Variants in L3MBTL4 observed in about 807,000 individuals in gnomAD.
L3MBTL4 encodes the protein lethal(3)malignant brain tumor-like protein 4.
A neutral mutation model predicts 84.5 loss-of-function variants in L3MBTL4; 70 were observed. The ratio of observed to expected loss-of-function variants is 0.83; its 90% confidence interval spans 0.68 to 1.01. L3MBTL4 has a LOEUF of 1.01. Among genes scored for constraint, L3MBTL4 ranks in the 50% least tolerant of loss-of-function variants. The probability of loss-of-function intolerance (pLI) is 0.00; values close to 1 mark genes in which losing one functional copy is unlikely to be tolerated. For synonymous variants in L3MBTL4, 274 were observed against 259.8 expected (o/e 1.05, Z -0.52); for missense variants, 715 against 754.8 (o/e 0.95, Z 0.62).
chr18:5,964,229 C>A (rs570600), intron 17 of L3MBTL4, among the ~76,000 whole-genome samples: 1 of 152,230 alleles, frequency 6.6e-6, no homozygotes, highest in South Asian at 2.1e-4. Flanking sequence ...AGACAGCAGT[C>A]TGGGGAGACT....
intron 1 of L3MBTL4, among the ~76,000 whole-genome samples, chr18:6,399,574 T>C (rs2055428262): frequency 6.6e-6 from 1 of 152,228 alleles, no homozygotes; most frequent in Admixed American, 6.5e-5. Flanking sequence ...CTCAATTGAC[T>C]AGATATAATT....
At chr18:6,260,063 T>A (rs1282700996) in intron 5 of L3MBTL4, 1 of 152,212 alleles carries the variant, frequency 6.6e-6, no homozygotes, top group Non-Finnish European at 1.5e-5. Flanking sequence ...CCCCATTGCT[T>A]TTTTTCTGTC....
At chr18:6,233,624 T>C (rs1413665878) in intron 10 of L3MBTL4, among the ~76,000 whole-genome samples, 1 of 151,806 alleles carries the variant, frequency 6.6e-6, no homozygotes, top group Admixed American at 6.6e-5. Flanking sequence ...GTGAAGGACT[T>C]CTTCAAGGAG....
At chr18:6,264,621 T>C (rs183297025) in intron 4 of L3MBTL4, among the ~76,000 whole-genome samples, 38 of 152,244 alleles carry the variant, frequency 2.5e-4, no homozygotes, top group African/African-American at 8.9e-4. Flanking sequence ...CCGTCTCTAC[T>C]AAAAATACAA....
At chr18:6,390,167 T>C in intron 1 of L3MBTL4, among the ~76,000 whole-genome samples, 1 of 148,932 alleles carries the variant, frequency 6.7e-6, no homozygotes, top group Admixed American at 6.6e-5. Context: ...TATATATCTA[T>C]ATATATATAC....
intron 12 of L3MBTL4, among the ~76,000 whole-genome samples, chr18:6,186,724 T>C (rs562168132): frequency 6.6e-6 from 1 of 152,058 alleles, no homozygotes; most frequent in Admixed American, 6.5e-5. Context: ...TCCTTCCGGT[T>C]GGTGGATAAA....
chr18:6,147,636 G>C (rs1341412354), intron 13 of L3MBTL4, among the ~76,000 whole-genome samples: 2 of 152,172 alleles, frequency 1.3e-5, no homozygotes, highest in African/African-American at 4.8e-5. Flanking sequence ...GTTTAGAAAT[G>C]TGGTAAATTC....
intron 17 of L3MBTL4, among the ~76,000 whole-genome samples, chr18:5,964,410 G>C (rs533874427): frequency 1.3e-5 from 2 of 152,232 alleles, no homozygotes; most frequent in East Asian, 3.9e-4. Flanking sequence ...TCTCTATCTC[G>C]CTGAGCCTGT....
chr18:6,301,680 T>C (rs1265223306), intron 4 of L3MBTL4, among the ~76,000 whole-genome samples: 2 of 152,164 alleles, frequency 1.3e-5, no homozygotes, highest in Non-Finnish European at 2.9e-5. Context: ...AAAAGGCAAA[T>C]AAATGAGATA....
At chr18:6,241,303 T>C in intron 8 of L3MBTL4, 55 bp downstream of exon 8, 1 of 1,009,012 alleles carries the variant, frequency 9.9e-7, no homozygotes, top group Non-Finnish European at 1.5e-6. Context: ...TAGTGAATTT[T>C]AAGAAATTTA....
intron 10 of L3MBTL4, among the ~76,000 whole-genome samples, chr18:6,236,655 T>C (rs2047228250): frequency 6.6e-6 from 1 of 152,228 alleles, no homozygotes. Flanking sequence ...CTAAAGTTAG[T>C]TTTAGCCACT....
chr18:6,231,824 T>A (rs1356902548), intron 10 of L3MBTL4, among the ~76,000 whole-genome samples: 1 of 152,146 alleles, frequency 6.6e-6, no homozygotes, highest in Non-Finnish European at 1.5e-5. Context: ...TCTACACACA[T>A]AATAATTTTG....
chr18:6,024,791 G>A (rs1051356939), intron 16 of L3MBTL4, among the ~76,000 whole-genome samples: 1 of 151,994 alleles, frequency 6.6e-6, no homozygotes, highest in Non-Finnish European at 1.5e-5. Flanking sequence ...TCAAATCAAT[G>A]AGTATTAAAA....
At chr18:6,055,107 A>G (rs1234091167) in intron 16 of L3MBTL4, among the ~76,000 whole-genome samples, 1 of 152,154 alleles carries the variant, frequency 6.6e-6, no homozygotes, top group East Asian at 1.9e-4. Context: ...TCTCATGCCT[A>G]TTTTCAGTGA....
intron 14 of L3MBTL4, among the ~76,000 whole-genome samples, chr18:6,100,182 T>G (rs891963081): frequency 6.6e-6 from 1 of 152,170 alleles, no homozygotes; most frequent in Non-Finnish European, 1.5e-5. Flanking sequence ...CTTACAGGGT[T>G]TTTTTGTGAA....
rs545877723 is a variant in L3MBTL4, at chr18:6,031,183, T to A, written c.1444+49698A>T. On this transcript the variant is annotated intron_variant, in intron 16 of 18. Coordinates refer to ENST00000317931, the MANE Select transcript of L3MBTL4 (RefSeq NM_001330559.2). ...TTATGCTCCTCTCCCTCCTCCCCCG[T>A]GGGAGTAGAATGATCATTGAGCATT... 4.1e-4 allele frequency: 407 copies of A among 985,318 alleles called. 1 individual carries two copies. In the Middle Eastern group the frequency reaches 6.8e-3, roughly 16 times the overall value. The allele number at this position is 985,318 out of a possible 1,614,324, so 61.0% of individuals were successfully genotyped here.
At chr18:6,059,050 C>T (rs191209503) in intron 16 of L3MBTL4, among the ~76,000 whole-genome samples, 1 of 152,308 alleles carries the variant, frequency 6.6e-6, no homozygotes, top group Admixed American at 6.5e-5. Flanking sequence ...CCTCAGCTGA[C>T]GGCAGGTGTC....
chr18:6,332,303 G>T (rs2052078515), intron 1 of L3MBTL4, among the ~76,000 whole-genome samples: 1 of 152,196 alleles, frequency 6.6e-6, no homozygotes, highest in Admixed American at 6.5e-5. Flanking sequence ...CCAAAGAGTT[G>T]ACACGTTCTG....
chr18:6,229,903 G>A (rs919686244), intron 10 of L3MBTL4, among the ~76,000 whole-genome samples: 5 of 152,108 alleles, frequency 3.3e-5, no homozygotes, highest in African/African-American at 1.2e-4. Flanking sequence ...CTGAAATCAG[G>A]AAGTGTGAGT....
Sources: allele counts gnomAD v4.1 joint callset (sites outside exome capture counted in the v4.1 genomes callset), GRCh38; gene constraint gnomAD v4.1.1; transcripts MANE v1.5; gene names NCBI Gene and HGNC (gene_info 2026-07-23, HGNC 2026-07-21).